CSGALNACT1: variants seen among roughly 807,000 people sequenced by gnomAD.
CSGALNACT1 encodes the protein chondroitin sulfate N-acetylgalactosaminyltransferase 1, also known as beta4GalNAcT-1.
CSGALNACT1 carries 52 observed loss-of-function variants against 51.0 expected under a neutral mutation model. The observed-to-expected ratio is 1.02, with a 90% CI of 0.82 to 1.29. The LOEUF (loss-of-function observed/expected upper bound fraction) is 1.29. Among genes scored for constraint, CSGALNACT1 ranks in the 50% most tolerant of loss-of-function variants. The pLI, the probability that CSGALNACT1 is intolerant of heterozygous loss-of-function variation, is 0.00. For synonymous variants in CSGALNACT1, 341 were observed against 254.4 expected (o/e 1.34, Z -3.24); for missense variants, 935 against 679.2 (o/e 1.38, Z -4.19).
chr8:19,642,034 C>G (rs1326426761), intron 1 of CSGALNACT1: 1 of 152,132 alleles, frequency 6.6e-6, no homozygotes, highest in Admixed American at 6.6e-5. Flanking sequence ...AACTGGACAT[C>G]AGTTAGGAAG....
intron 4 of CSGALNACT1, among the ~76,000 whole-genome samples, chr8:19,487,444 C>T (rs149112546): frequency 4.6e-5 from 7 of 152,146 alleles, no homozygotes; most frequent in African/African-American, 7.2e-5. Context: ...CATGTCAACA[C>T]GATGGTGGAG....
chr8:19,547,463 C>T (rs147098364), intron 3 of CSGALNACT1, among the ~76,000 whole-genome samples: 434 of 151,974 alleles, frequency 2.9e-3, no homozygotes, highest in African/African-American at 9.8e-3. Flanking sequence ...CCATACTGTT[C>T]TCATGGTAAT....
chr8:19,439,322 C>T (rs769907344), intron 6 of CSGALNACT1, among the ~76,000 whole-genome samples: 2 of 152,196 alleles, frequency 1.3e-5, no homozygotes, highest in Admixed American at 6.5e-5. Context: ...CTGCCTTGGC[C>T]ACCACGTCTG....
chr8:19,635,112 A>C (rs1316624690), intron 1 of CSGALNACT1, among the ~76,000 whole-genome samples: 7 of 152,112 alleles, frequency 4.6e-5, no homozygotes, highest in African/African-American at 1.7e-4. Flanking sequence ...AATAAATAAG[A>C]TCTGTTTACC....
intron 1 of CSGALNACT1, among the ~76,000 whole-genome samples, chr8:19,741,977 G>A (rs773048018): frequency 5.3e-5 from 8 of 152,158 alleles, no homozygotes; most frequent in East Asian, 1.9e-4. Flanking sequence ...GAACAGCTGC[G>A]TAACCTTGAG....
At chr8:19,620,586 C>A (rs2053691614) in intron 1 of CSGALNACT1, among the ~76,000 whole-genome samples, 1 of 151,990 alleles carries the variant, frequency 6.6e-6, no homozygotes, top group Admixed American at 6.6e-5. Flanking sequence ...CATCCACCAC[C>A]AGGCCTGGCT....
intron 3 of CSGALNACT1, among the ~76,000 whole-genome samples, chr8:19,516,492 G>A (rs1418674187): frequency 2.6e-5 from 4 of 152,044 alleles, no homozygotes; most frequent in Admixed American, 1.3e-4. Context: ...CCCCTCAAAC[G>A]TGGCATGAAT....
At chr8:19,695,609 T>C (rs887048136) in intron 1 of CSGALNACT1, among the ~76,000 whole-genome samples, 67 of 152,236 alleles carry the variant, frequency 4.4e-4, no homozygotes, top group African/African-American at 1.5e-3. Flanking sequence ...ACATGGCGTT[T>C]AGATTTCTAA....
intron 3 of CSGALNACT1, among the ~76,000 whole-genome samples, chr8:19,555,793 T>C (rs1189973928): frequency 6.6e-6 from 1 of 152,192 alleles, no homozygotes; most frequent in Admixed American, 6.5e-5. Flanking sequence ...CCTAAAAATA[T>C]AGCATGCTTG....
chr8:19,472,323 C>T (rs2068385993), intron 4 of CSGALNACT1, among the ~76,000 whole-genome samples: 1 of 152,136 alleles, frequency 6.6e-6, no homozygotes, highest in Non-Finnish European at 1.5e-5. Context: ...TAAGCAGGAA[C>T]CAAAAGGTCA....
chr8:19,636,157 A>G (rs1204396936), intron 1 of CSGALNACT1, among the ~76,000 whole-genome samples: 2 of 152,222 alleles, frequency 1.3e-5, no homozygotes, highest in South Asian at 2.1e-4. Flanking sequence ...ATGGTCAGTA[A>G]ACAGGCGAGT....
chr8:19,605,811 A>G (rs2051294070), upstream of CSGALNACT1, among the ~76,000 whole-genome samples: 1 of 152,236 alleles, frequency 6.6e-6, no homozygotes, highest in African/African-American at 2.4e-5. Context: ...TAATCATGTT[A>G]AAAGAAGCCT....
chr8:19,654,044 G>C (rs1212019654), intron 1 of CSGALNACT1, among the ~76,000 whole-genome samples: 1 of 152,136 alleles, frequency 6.6e-6, no homozygotes, highest in South Asian at 2.1e-4. Flanking sequence ...AGCTGATCCT[G>C]CAACGCCTAA....
At chr8:19,640,817 C>G (rs1263367168) in intron 1 of CSGALNACT1, among the ~76,000 whole-genome samples, 4 of 152,050 alleles carry the variant, frequency 2.6e-5, no homozygotes, top group African/African-American at 7.2e-5. Context: ...ATTATGAAAT[C>G]TTTAGCAAAC....
At chr8:19,644,989 A>T (rs2057127432) in intron 1 of CSGALNACT1, among the ~76,000 whole-genome samples, 1 of 152,188 alleles carries the variant, frequency 6.6e-6, no homozygotes, top group Admixed American at 6.5e-5. Flanking sequence ...CAAATTTAAG[A>T]GTAAAAATCC....
At chr8:19,699,745 G>A (rs916705873) in intron 1 of CSGALNACT1, among the ~76,000 whole-genome samples, 1 of 152,170 alleles carries the variant, frequency 6.6e-6, no homozygotes, top group African/African-American at 2.4e-5. Flanking sequence ...TCTACCTATT[G>A]CCACTGAATT....
chr8:19,670,650 C>CAAAAAAAAAAAAAAAAAAAAAAAGAA (rs2059726964), intron 1 of CSGALNACT1, among the ~76,000 whole-genome samples: 1 of 92,848 alleles, frequency 1.1e-5, no homozygotes, highest in Non-Finnish European at 1.9e-5. Context: ...CTACTGAAGA[C>CAAAAAAAAAAAAAAAAAAAAAAAGAA]AAAAAAAAAA....
At chr8:19,405,190 G>A (rs1190876330) in exon 10 of CSGALNACT1, 3 of 448,800 alleles carry the variant, frequency 6.7e-6, no homozygotes, top group South Asian at 4.8e-5. Context: ...CAGTTAAAAG[G>A]ACAACCAAAA....
At chr8:19,574,140 T>G (rs1405308818) in intron 3 of CSGALNACT1, among the ~76,000 whole-genome samples, 1 of 152,200 alleles carries the variant, frequency 6.6e-6, no homozygotes, top group Non-Finnish European at 1.5e-5. Flanking sequence ...TTTAAACTCC[T>G]AGCCTTAAGA....
Sources: allele counts gnomAD v4.1 joint callset (sites outside exome capture counted in the v4.1 genomes callset), GRCh38; gene constraint gnomAD v4.1.1; transcripts MANE v1.5; gene names NCBI Gene and HGNC (gene_info 2026-07-23, HGNC 2026-07-21).